The following GGT1 variants were observed in gnomAD, a reference collection of about 807,000 sequenced individuals.
GGT1 encodes the protein gamma-glutamyltransferase 1.
Under a neutral mutation model 56.0 loss-of-function variants are expected in GGT1, and 21 were observed. The observed-to-expected ratio is 0.38, with a 90% CI of 0.27 to 0.54. The LOEUF (loss-of-function observed/expected upper bound fraction) is 0.54. GGT1 is among the 20% of genes least tolerant of loss of function. The probability of loss-of-function intolerance (pLI) is 0.82; values close to 1 mark genes in which losing one functional copy is unlikely to be tolerated. For missense variants in GGT1, 466 were observed against 787.0 expected (o/e 0.59, Z 4.88); for synonymous variants, 238 against 342.6 (o/e 0.69, Z 3.37).
At chr22:24,586,059 G>A in the GGT1 span, 1 of 1,612,042 alleles carries the variant, frequency 6.2e-7, no homozygotes, top group Non-Finnish European at 8.5e-7. Context: ...CCGACCAGCA[G>A]GGGCTGGGGC....
At chr22:24,588,420 G>C in the GGT1 span, 1 of 1,006,398 alleles carries the variant, frequency 9.9e-7, no homozygotes, top group Non-Finnish European at 1.5e-6. Context: ...CCAAGTGTGT[G>C]TGTGAGCACA....
the GGT1 span, chr22:24,585,798 C>T: frequency 7.9e-7 from 1 of 1,270,412 alleles, no homozygotes; most frequent in Non-Finnish European, 1.1e-6. Flanking sequence ...TTTCTGGGGG[C>T]CTGTGAGTCC....
chr22:24,591,100 A>G (rs1243028299), upstream of GGT1, among the ~76,000 whole-genome samples: 1 of 152,178 alleles, frequency 6.6e-6, no homozygotes, highest in Non-Finnish European at 1.5e-5. Context: ...TTGTTTTGAG[A>G]CGGAGTTTTG....
At chr22:24,608,106 C>T (rs1211470080) in intron 2 of GGT1, 83 bp downstream of exon 2, 1 of 439,020 alleles carries the variant, frequency 2.3e-6, no homozygotes, top group Non-Finnish European at 4.7e-6. Context: ...CCTCAGTTTC[C>T]CCTAGTGTGT....
upstream of GGT1, among the ~76,000 whole-genome samples, chr22:24,600,006 G>C (rs1267770326): frequency 6.6e-6 from 1 of 152,214 alleles, no homozygotes; most frequent in Non-Finnish European, 1.5e-5. Flanking sequence ...CTGGGGCATG[G>C]ACAGTCTTCC....
chr22:24,598,687 G>A (rs1251663774), upstream of GGT1, among the ~76,000 whole-genome samples: 1 of 152,122 alleles, frequency 6.6e-6, no homozygotes, highest in Non-Finnish European at 1.5e-5. Flanking sequence ...CCAAGTAGCT[G>A]GGACCACAGG....
At chr22:24,586,442 A>G in the GGT1 span, 1 of 1,581,948 alleles carries the variant, frequency 6.3e-7, no homozygotes, top group Non-Finnish European at 8.6e-7. Context: ...GGGATGGACT[A>G]GGCAACCAGG....
chr22:24,607,105 C>G (rs538459252), intron 1 of GGT1, among the ~76,000 whole-genome samples: 75 of 152,074 alleles, frequency 4.9e-4, no homozygotes, highest in African/African-American at 1.8e-3. Flanking sequence ...CTGCTGGGCT[C>G]TGTGAGCTTG....
intron 1 of GGT1, among the ~76,000 whole-genome samples, chr22:24,597,684 A>AC (rs60798811): frequency 0.85 from 126,624 of 148,776 alleles, 55,497 homozygotes; most frequent in East Asian, 0.99. Flanking sequence ...CCATCTCAAA[A>AC]ACACACACAC....
At position 24,620,893 on chromosome 22, in the gene GGT1, A is replaced by G. The variant is rs367750553; in HGVS notation, c.576-20A>G. 1.2e-5 allele frequency: 19 copies of G among 1,611,254 alleles called. No individual in the cohort carries two copies. The African/African-American group carries it at 1.7e-4, about 15-fold the overall frequency. Reference sequence around the variant, plus strand: ...GAGTCCACCCCACCTGCTGCCTCACATGAGCCCCCTCTGCCCCAGTGAGGT... The same window carrying G: ...GAGTCCACCCCACCTGCTGCCTCACGTGAGCCCCCTCTGCCCCAGTGAGGT... On this transcript the variant is annotated intron_variant, in intron 8 of 15. Coordinates refer to ENST00000400382, the MANE Select transcript of GGT1 (RefSeq NM_001288833.2). This position sits in a 1 kb window ranked among gnomAD's most constrained non-coding sequence, Gnocchi z 5.6.
chr22:24,607,284 C>G (rs2046379502), intron 1 of GGT1, among the ~76,000 whole-genome samples: 1 of 151,878 alleles, frequency 6.6e-6, no homozygotes, highest in Non-Finnish European at 1.5e-5. Flanking sequence ...GTGGTGAGGC[C>G]CCTTAGGCTG....
chr22:24,588,137 G>T, the GGT1 span: 4 of 1,132,738 alleles, frequency 3.5e-6, no homozygotes, highest in South Asian at 1.3e-5. Context: ...CCAGCCTCTT[G>T]GTGAGAGTGC....
At chr22:24,603,883 G>A (rs1328261747) in intron 1 of GGT1, among the ~76,000 whole-genome samples, 1 of 151,966 alleles carries the variant, frequency 6.6e-6, no homozygotes, top group Non-Finnish European at 1.5e-5. Context: ...GGTGGGGCAG[G>A]GCCGGTTGTG....
intron 5 of GGT1, among the ~76,000 whole-genome samples, chr22:24,612,066 A>G (rs2046740635): frequency 6.6e-6 from 1 of 151,740 alleles, no homozygotes; most frequent in Non-Finnish European, 1.5e-5. Context: ...CTGCCTCTCA[A>G]AGTGCTGGGA....
upstream of GGT1, among the ~76,000 whole-genome samples, chr22:24,590,527 A>G (rs1234171289): frequency 2.0e-5 from 3 of 152,052 alleles, no homozygotes; most frequent in African/African-American, 7.2e-5. Flanking sequence ...GTGCTGTGAC[A>G]CTGCCTTCTC....
upstream of GGT1, among the ~76,000 whole-genome samples, chr22:24,591,407 G>A (rs1413636912): frequency 1.3e-5 from 2 of 152,226 alleles, no homozygotes; most frequent in African/African-American, 4.8e-5. Context: ...GACATTTTGA[G>A]AGCTGATGGG....
upstream of GGT1, among the ~76,000 whole-genome samples, chr22:24,591,860 G>T (rs1227365858): frequency 6.6e-6 from 1 of 152,252 alleles, no homozygotes; most frequent in Non-Finnish European, 1.5e-5. Flanking sequence ...CCTTCCATGG[G>T]TCTAGACAGC....
At chr22:24,588,562 G>A in the GGT1 span, 1 of 811,942 alleles carries the variant, frequency 1.2e-6, no homozygotes. Flanking sequence ...GTCCCGCAGT[G>A]CCCGGCGGGA....
chr22:24,618,296 CT>C (rs1416927912), intron 7 of GGT1, among the ~76,000 whole-genome samples: 4 of 152,190 alleles, frequency 2.6e-5, no homozygotes, highest in African/African-American at 9.7e-5. Flanking sequence ...AAGATTAGAA[CT>C]TCTCCTGTCT....
Sources: gnomAD v4.1 joint callset for allele counts (sites outside exome capture counted in the v4.1 genomes callset) on GRCh38, gnomAD v4.1.1 for gene constraint, Gnocchi (gnomAD v3.1) non-coding constraint, MANE v1.5 for transcripts, NCBI Gene and HGNC (gene_info 2026-07-23, HGNC 2026-07-21) for gene names.